The following CAMSAP1 variants were observed in gnomAD, a reference collection of about 807,000 sequenced individuals.
CAMSAP1 encodes the protein calmodulin regulated spectrin associated protein 1.
CAMSAP1 carries 58 observed loss-of-function variants against 143.5 expected under a neutral mutation model. The observed-to-expected ratio is 0.40, with a 90% CI of 0.33 to 0.50. The LOEUF is 0.50. Ranked by LOEUF, CAMSAP1 falls within the 20% of genes least tolerant of loss-of-function variation. The probability of loss-of-function intolerance (pLI) is 0.45; values close to 1 mark genes in which losing one functional copy is unlikely to be tolerated. For synonymous variants in CAMSAP1, 945 were observed against 859.3 expected, an observed-to-expected ratio of 1.10 and a Z score of -1.74; for missense variants, 1,969 against 2,115.7, an observed-to-expected ratio of 0.93 and a Z score of 1.36.
chr9:135,900,862 C>A (rs929124695), intron 1 of CAMSAP1, among the ~76,000 whole-genome samples: 2 of 151,988 alleles, frequency 1.3e-5, no homozygotes, highest in African/African-American at 4.8e-5. Context: ...TTAAGCGATT[C>A]GTCTGCCTCA....
intron 1 of CAMSAP1, among the ~76,000 whole-genome samples, chr9:135,905,827 G>A (rs999347418): frequency 6.7e-4 from 102 of 152,188 alleles, no homozygotes; most frequent in African/African-American, 2.4e-3. Context: ...GTCCGCTCTC[G>A]GGCTGTTCTT....
At position 135,822,519 on chromosome 9, in the gene CAMSAP1, CCTT is replaced by C; in HGVS notation, c.2139_2141del (p.Arg714del). 2 of 1,613,878 alleles carry C rather than the reference CCTT, an allele frequency of 1.2e-6. No homozygotes were observed. Among genetic ancestry groups the C allele is most frequent in the Non-Finnish European group, 1.7e-6 (2 of 1,179,876 alleles). On this transcript the variant is annotated inframe_deletion, in exon 11 of 17. Coordinates refer to ENST00000389532, the MANE Select transcript of CAMSAP1 (RefSeq NM_015447.4). This position sits in a 1 kb window ranked among gnomAD's most constrained non-coding sequence, Gnocchi z 6.1. ...GGCTTTTTGAACAACTAACATATAA[CCTT>C]CCCTCGGTGTCTTCATCGGCCCTGC... is the stretch of plus-strand genomic sequence containing the variant.
At position 135,818,992 on chromosome 9, in the gene CAMSAP1, C is replaced by G. The variant is rs1299327120; in HGVS notation, c.3959+18G>C. The G allele has an allele frequency of 1.2e-6, 2 of 1,602,860 alleles. No homozygotes were observed. The highest frequency in any genetic ancestry group is 2.2e-5 in the South Asian group (2 of 90,154). On this transcript the variant is annotated intron_variant, in intron 12 of 16. Transcript: ENST00000389532. The surrounding 1 kb of genome is among the most constrained non-coding windows in gnomAD (Gnocchi z 7.7). ...AGGCTCCTGCTCAGTCTGCTTTCCC[C>G]CCCGGCGGGACGCTTACCGGGCTTC...
At chr9:135,865,377 C>G (rs1387670549) in intron 4 of CAMSAP1, 1 of 1,550,632 alleles carries the variant, frequency 6.4e-7, no homozygotes. Flanking sequence ...GCTCAGGAAG[C>G]GAGAGAAGGA....
chr9:135,850,045 G>A (rs1836717502), intron 7 of CAMSAP1, 92 bp downstream of exon 7: 2 of 1,035,320 alleles, frequency 1.9e-6, no homozygotes, highest in South Asian at 1.6e-5. Flanking sequence ...GAACTCTGCT[G>A]TGCGAGAAAC....
chr9:135,861,693 T>A (rs1329347683), intron 5 of CAMSAP1, among the ~76,000 whole-genome samples: 5 of 152,088 alleles, frequency 3.3e-5, no homozygotes, highest in Non-Finnish European at 7.4e-5. Flanking sequence ...AGGAACAAGA[T>A]CAATGCCAGC....
Position 135,826,224 on chromosome 9 carries a change from AAC to A in CAMSAP1, c.1223+1181_1223+1182del, listed in dbSNP as rs1421560710. ...CACACACACACACACACGGCTCAAC[AAC>A]AGACACGCAAAGACCGAAGGGAGGA... On this transcript the variant is annotated intron_variant, in intron 8 of 16. Coordinates refer to ENST00000389532, the MANE Select transcript of CAMSAP1 (RefSeq NM_015447.4). The surrounding 1 kb of genome is among the most constrained non-coding windows in gnomAD (Gnocchi z 4.4). 2 of 152,524 alleles carry A rather than the reference AAC, an allele frequency of 1.3e-5. No homozygotes were observed. Among genetic ancestry groups the A allele is most frequent in the Admixed American group, 6.5e-5 (1 of 15,284 alleles). 9.4% of individuals were successfully genotyped at this position (152,524 alleles called of 1,614,324 possible). A position where few individuals can be genotyped will look rare whatever the true frequency, so the allele number is the denominator to read the frequency against.
intron 3 of CAMSAP1, among the ~76,000 whole-genome samples, chr9:135,873,031 A>G (rs560082815): frequency 2.6e-5 from 4 of 152,364 alleles, no homozygotes; most frequent in African/African-American, 4.8e-5. Flanking sequence ...CAAACAGCAG[A>G]ATATTCTTTT....
intron 5 of CAMSAP1, among the ~76,000 whole-genome samples, chr9:135,858,154 CTTT>C (rs34496524): frequency 7.1e-6 from 1 of 141,464 alleles, no homozygotes. Context: ...TCCACTTTGC[CTTT>C]TTTTTTTTTT....
rs1838804286 is a variant in CAMSAP1, at chr9:135,906,985, C to T, written c.160+15G>A. The T allele has an allele frequency of 1.7e-5, 18 of 1,072,794 alleles. No homozygotes were observed. The highest frequency in any genetic ancestry group is 2.0e-5 in the Non-Finnish European group (18 of 885,894). The allele number at this position is 1,072,794 out of a possible 1,614,324, so 66.5% of individuals were successfully genotyped here. A position where few individuals can be genotyped will look rare whatever the true frequency, so the allele number is the denominator to read the frequency against. On this transcript the variant is annotated intron_variant, in intron 1 of 16. Transcript: ENST00000389532. ...GCGCCCCTGGCCCCCGCCCCGCGCC[C>T]CTCACCCGGCCCACCTCGGCCGTAG...
rs370356189 is a variant in CAMSAP1, at chr9:135,821,753, C to T, written c.2908G>A (p.Glu970Lys). ...KEEQREELLHEPQDVDKESLA... is the reference protein window; with the variant it reads ...KEEQREELLHKPQDVDKESLA... ...CTCTCTTTGTCCACATCCTGTGGCT[C>T]GTGAAGGAGCTCCTCTCTCTGCTCC... The change falls in exon 11 of 17, where the codon GAG (glutamate) becomes AAG (lysine). Residue 970 changes from glutamate to lysine, a missense_variant. By Grantham distance (56) the Glu-to-Lys change is moderately conservative (BLOSUM62 1). This residue lies in a region of CAMSAP1 where 1,390 missense variants were observed against 1,420.8 expected (regional missense o/e 0.98). Transcript: ENST00000389532. This position sits in a 1 kb window ranked among gnomAD's most constrained non-coding sequence, Gnocchi z 4.6. The T allele has an allele frequency of 1.3e-5, 21 of 1,613,696 alleles. No individual in the cohort carries two copies. The highest frequency in any genetic ancestry group is 1.7e-5 in the Admixed American group (1 of 60,002).
Position 135,824,027 on chromosome 9 carries a change from T to C in CAMSAP1, c.1323A>G (p.Arg441=). 1.3e-6 allele frequency: 2 copies of C among 1,581,854 alleles called. No homozygotes were observed. The highest frequency in any genetic ancestry group is 1.7e-6 in the Non-Finnish European group (2 of 1,163,068). The part of the protein sequence containing the change: ...SIQGEDIPDQ[R]HRSNSLTRVD... ...CTCGGGTCAAAGAATTCGATCGATG[T>C]CGCTGATCTGCAGTACAGAGGAATT... The change falls in exon 10 of 17, where the codon CGA becomes CGG. Residue 441 remains arginine (R), a synonymous_variant. Transcript: ENST00000389532. This position sits in a 1 kb window ranked among gnomAD's most constrained non-coding sequence, Gnocchi z 4.1.
intron 5 of CAMSAP1, among the ~76,000 whole-genome samples, chr9:135,857,841 G>A (rs1013601367): frequency 6.6e-6 from 1 of 152,174 alleles, no homozygotes; most frequent in Non-Finnish European, 1.5e-5. Flanking sequence ...TCACCTTCGG[G>A]TATGAAGAAT....
chr9:135,891,323 GGAA>G (rs1342916634), intron 1 of CAMSAP1, among the ~76,000 whole-genome samples: 1 of 152,236 alleles, frequency 6.6e-6, no homozygotes, highest in African/African-American at 2.4e-5. Context: ...CAGAGGCTGA[GGAA>G]GAAGGTTCCT....
chr9:135,882,950 T>C lies in CAMSAP1; in HGVS notation c.289A>G (p.Lys97Glu). 1.3e-6 allele frequency: 2 copies of C among 1,551,694 alleles called. No homozygotes were observed. Among genetic ancestry groups the C allele is most frequent in the Non-Finnish European group, 1.7e-6 (2 of 1,147,006 alleles). ...TGTAAGGCGGCCACCTGGTCCCCTTTCAGGATGAGGCTGCAGACACGGCAG... is the reference window on the plus strand; with the variant it reads ...TGTAAGGCGGCCACCTGGTCCCCTTCCAGGATGAGGCTGCAGACACGGCAG... ...LYCRVCSLILKGDQVAALQGH... is the reference protein window; with the variant it reads ...LYCRVCSLILEGDQVAALQGH... The change falls in exon 2 of 17, where the codon AAA becomes GAA. Residue 97 changes from lysine to glutamate, a missense_variant. Coordinates refer to ENST00000389532, the MANE Select transcript of CAMSAP1 (RefSeq NM_015447.4). The surrounding 1 kb of genome is among the most constrained non-coding windows in gnomAD (Gnocchi z 4.9).
chr9:135,829,056 A>C (rs1339876715), intron 7 of CAMSAP1, among the ~76,000 whole-genome samples: 1 of 152,254 alleles, frequency 6.6e-6, no homozygotes, highest in African/African-American at 2.4e-5. Context: ...AATGGCTAAA[A>C]GGAATTCTTC....
rs373264910 is a variant in CAMSAP1, at chr9:135,890,408, C to T, written c.161-7330G>A. On this transcript the variant is annotated intron_variant, in intron 1 of 16. Coordinates refer to ENST00000389532, the MANE Select transcript of CAMSAP1 (RefSeq NM_015447.4). ...GGCAGAAGACGCAATCCAGAGAACC[C>T]GTCCCTCTTCCTGGACCGCGGTTTC... Among the ~76,000 whole-genome samples the T allele has an allele frequency of 3.1e-4, 47 of 152,254 alleles. 2 individuals carry two copies. The South Asian group carries it at 4.4e-3, about 14-fold the overall frequency.
chr9:135,832,578 AAAAT>A (rs905545424), intron 7 of CAMSAP1, among the ~76,000 whole-genome samples: 4 of 152,184 alleles, frequency 2.6e-5, no homozygotes, highest in African/African-American at 4.8e-5. Flanking sequence ...TAAATTAGTC[AAAAT>A]AAATAAATAA....
At chr9:135,876,539 T>C (rs1024750560) in intron 3 of CAMSAP1, among the ~76,000 whole-genome samples, 2 of 152,186 alleles carry the variant, frequency 1.3e-5, no homozygotes, top group Non-Finnish European at 2.9e-5. Context: ...AAAGACGGAC[T>C]GTAACAAGTG....
Sources: gnomAD v4.1 joint callset for allele counts (sites outside exome capture counted in the v4.1 genomes callset) on GRCh38, gnomAD v4.1.1 for gene constraint, gnomAD v4.1.1 regional missense constraint, Gnocchi (gnomAD v3.1) non-coding constraint, MANE v1.5 for transcripts, NCBI Gene and HGNC (gene_info 2026-07-23, HGNC 2026-07-21) for gene names.